The following SPON1 variants were observed in gnomAD, a reference collection of about 807,000 sequenced individuals.
SPON1 encodes the protein spondin-1.
Under a neutral mutation model 111.7 loss-of-function variants are expected in SPON1, and 52 were observed. The observed-to-expected ratio is 0.47, with a 90% CI of 0.37 to 0.59. The LOEUF (loss-of-function observed/expected upper bound fraction) is 0.59. SPON1 is among the 20% of genes least tolerant of loss of function. The probability of loss-of-function intolerance (pLI) is 0.00; values close to 1 mark genes in which losing one functional copy is unlikely to be tolerated. For missense variants in SPON1, 957 were observed against 1,068.5 expected, an observed-to-expected ratio of 0.90 and a Z score of 1.46; for synonymous variants, 410 against 395.8, an observed-to-expected ratio of 1.04 and a Z score of -0.43.
At chr11:14,172,669 C>A (rs1848120446) in intron 6 of SPON1, among the ~76,000 whole-genome samples, 1 of 151,752 alleles carries the variant, frequency 6.6e-6, no homozygotes, top group Non-Finnish European at 1.5e-5. Flanking sequence ...CCTTCAGGAG[C>A]TCTTTTAGGG....
At chr11:14,176,510 A>T (rs1342765528) in intron 6 of SPON1, among the ~76,000 whole-genome samples, 1 of 151,918 alleles carries the variant, frequency 6.6e-6, no homozygotes, top group Non-Finnish European at 1.5e-5. Context: ...AGCTACAGAC[A>T]CCCCATCATA....
At chr11:14,124,379 C>T (rs1394269184) in intron 5 of SPON1, among the ~76,000 whole-genome samples, 6 of 152,242 alleles carry the variant, frequency 3.9e-5, no homozygotes, top group African/African-American at 9.6e-5. Flanking sequence ...TCCTCCAGGA[C>T]ACCTCCTCTG....
Position 14,052,244 on chromosome 11 carries a change from G to A in SPON1, c.479+10590G>A, listed in dbSNP as rs186101076. Among the ~76,000 whole-genome samples, 16 of 152,362 alleles carry A rather than the reference G, an allele frequency of 1.1e-4. No homozygotes were observed. The East Asian group carries it at 2.9e-3, about 28-fold the overall frequency. On this transcript the variant is annotated intron_variant, in intron 3 of 15. Coordinates refer to ENST00000576479, the MANE Select transcript of SPON1 (RefSeq NM_006108.4). ...ACTTGTTAGTGGGAAGAGAGGATGA[G>A]TATTAAGAAGCAATTAGCTAGCACT... is the stretch of plus-strand genomic sequence containing the variant.
At chr11:14,160,405 A>ATATATATATATTTT (rs1847897179) in intron 6 of SPON1, among the ~76,000 whole-genome samples, 3 of 38,574 alleles carry the variant, frequency 7.8e-5, no homozygotes, top group African/African-American at 3.4e-4. Flanking sequence ...ATATATATTT[A>ATATATATATATTTT]TATATATATA....
intron 6 of SPON1, among the ~76,000 whole-genome samples, chr11:14,198,646 C>T (rs781807600): frequency 1.3e-5 from 2 of 152,164 alleles, no homozygotes; most frequent in South Asian, 2.1e-4. Flanking sequence ...CATGACAATC[C>T]CACTCATTCA....
intron 14 of SPON1, 52 bp from the exon 15 acceptor site, chr11:14,262,660 C>T: frequency 1.2e-6 from 2 of 1,608,532 alleles, no homozygotes; most frequent in Non-Finnish European, 1.7e-6. Flanking sequence ...AGAGCGTGAC[C>T]ATATCTTGTT....
At chr11:14,250,891 C>T (rs1849046269) in intron 7 of SPON1, among the ~76,000 whole-genome samples, 1 of 152,106 alleles carries the variant, frequency 6.6e-6, no homozygotes, top group African/African-American at 2.4e-5. Context: ...ACAAGAGCTC[C>T]ATGTTCATTT....
intron 5 of SPON1, among the ~76,000 whole-genome samples, chr11:14,116,028 A>G (rs1849264408): frequency 6.6e-6 from 1 of 152,130 alleles, no homozygotes; most frequent in Non-Finnish European, 1.5e-5. Context: ...GTCATTGACC[A>G]TTTGGATAAC....
chr11:14,176,209 C>T (rs183841423), intron 6 of SPON1, among the ~76,000 whole-genome samples: 5 of 152,218 alleles, frequency 3.3e-5, no homozygotes, highest in Admixed American at 3.3e-4. Context: ...TCAGCAACCC[C>T]TCTGAGATCC....
At chr11:13,969,982 A>C (rs1554908413) in intron 1 of SPON1, among the ~76,000 whole-genome samples, 1 of 152,256 alleles carries the variant, frequency 6.6e-6, no homozygotes, top group Non-Finnish European at 1.5e-5. Context: ...TCACTCAGGC[A>C]CATGCATGCA....
chr11:14,230,439 C>G (rs1554938544), intron 6 of SPON1, among the ~76,000 whole-genome samples: 3 of 152,200 alleles, frequency 2.0e-5, no homozygotes, highest in Admixed American at 6.5e-5. Context: ...ATTCTCATTT[C>G]TTTTGAAACT....
At chr11:14,185,822 T>C (rs1591403631) in intron 6 of SPON1, among the ~76,000 whole-genome samples, 2 of 152,356 alleles carry the variant, frequency 1.3e-5, no homozygotes, top group Middle Eastern at 3.4e-3. Context: ...GCCACTTCCT[T>C]ATATCAGAAC....
chr11:14,117,804 A>C (rs1167399784), intron 5 of SPON1, among the ~76,000 whole-genome samples: 1 of 152,188 alleles, frequency 6.6e-6, no homozygotes, highest in Non-Finnish European at 1.5e-5. Context: ...TCTCAACGAC[A>C]AACTAGTCAT....
intron 6 of SPON1, among the ~76,000 whole-genome samples, chr11:14,231,579 T>C (rs559239581): frequency 6.6e-6 from 1 of 152,340 alleles, no homozygotes; most frequent in Admixed American, 6.5e-5. Flanking sequence ...ATTTTTGTAA[T>C]GTTCTTATAT....
At chr11:14,221,223 G>A (rs1490074627) in intron 6 of SPON1, among the ~76,000 whole-genome samples, 1 of 152,218 alleles carries the variant, frequency 6.6e-6, no homozygotes, top group Non-Finnish European at 1.5e-5. Context: ...TAGTCAAGGA[G>A]AGAGGGTCAA....
chr11:14,198,322 A>T (rs1848424616), intron 6 of SPON1, among the ~76,000 whole-genome samples: 1 of 152,210 alleles, frequency 6.6e-6, no homozygotes, highest in African/African-American at 2.4e-5. Flanking sequence ...AGGTGCCTGG[A>T]GGTAAGAACC....
chr11:13,993,396 G>T (rs555828184), intron 2 of SPON1, among the ~76,000 whole-genome samples: 17 of 151,900 alleles, frequency 1.1e-4, no homozygotes, highest in Non-Finnish European at 1.9e-4. Flanking sequence ...AAGTGGCAAG[G>T]AACTCAGGGA....
chr11:14,046,464 G>T (rs1848669126), intron 3 of SPON1, among the ~76,000 whole-genome samples: 1 of 152,094 alleles, frequency 6.6e-6, no homozygotes, highest in African/African-American at 2.4e-5. Flanking sequence ...TCCCCAAATG[G>T]GTAGTTGTCC....
intron 6 of SPON1, among the ~76,000 whole-genome samples, chr11:14,160,949 A>T (rs1455232406): frequency 1.5e-5 from 1 of 67,436 alleles, no homozygotes; most frequent in Non-Finnish European, 2.5e-5. Context: ...ATATATTTAT[A>T]TATTTATATA....
Sources: allele counts gnomAD v4.1 joint callset (sites outside exome capture counted in the v4.1 genomes callset), GRCh38; gene constraint gnomAD v4.1.1; transcripts MANE v1.5; gene names NCBI Gene and HGNC (gene_info 2026-07-23, HGNC 2026-07-21).